The following ARNT2 variants were observed in gnomAD, a reference collection of about 807,000 sequenced individuals.
ARNT2 encodes aryl hydrocarbon receptor nuclear translocator 2, also known as ARNT protein 2.
ARNT2 carries 36 observed loss-of-function variants against 91.7 expected under a neutral mutation model. The ratio of observed to expected loss-of-function variants is 0.39; its 90% CI spans 0.30 to 0.52. The LOEUF (loss-of-function observed/expected upper bound fraction) is 0.52. ARNT2 is among the 20% of genes least tolerant of loss of function. The pLI, the probability that ARNT2 is intolerant of heterozygous loss-of-function variation, is 0.72. For synonymous variants in ARNT2, 365 were observed against 347.1 expected, an observed-to-expected ratio of 1.05 and a Z score of -0.57; for missense variants, 775 against 939.3, an observed-to-expected ratio of 0.83 and a Z score of 2.29.
Position 80,495,712 on chromosome 15 carries a change from C to A in ARNT2, c.623-12444C>A, listed in dbSNP as rs767872994. On this transcript the variant is annotated intron_variant, in intron 5 of 18. Coordinates refer to ENST00000303329, the MANE Select transcript of ARNT2 (RefSeq NM_014862.4). ...GCTCATGCCTTCCTAGGGCTCTGTG[C>A]CCTGGGGTTGGGCCCCAGCCCACCT... Among the ~76,000 whole-genome samples, 4 of 152,210 alleles carry A rather than the reference C, an allele frequency of 2.6e-5. No individual in the cohort carries two copies. The South Asian group carries it at 6.2e-4, about 24-fold the overall frequency.
rs1895571517 is a variant in ARNT2 at position 80,404,670 on chromosome 15, G to GAGCGGCTGTCACTACGCGGCAGCCGC, written c.31+128_31+153dup. On this transcript the variant is annotated intron_variant, in intron 1 of 18. Coordinates refer to ENST00000303329, the MANE Select transcript of ARNT2 (RefSeq NM_014862.4). The surrounding 1 kb of genome is among the most constrained non-coding windows in gnomAD (Gnocchi z 5.5). ...CCGCAGCTCGGCGCGGTGGGTGGTG[G>GAGCGGCTGTCACTACGCGGCAGCCGC]AGCGGCTGTCACTACGCGGCAGCCG... The GAGCGGCTGTCACTACGCGGCAGCCGC allele has an allele frequency of 1.7e-6, 1 of 588,270 alleles. No homozygotes were observed. Among genetic ancestry groups the GAGCGGCTGTCACTACGCGGCAGCCGC allele is most frequent in the African/African-American group, 2.0e-5 (1 of 49,388 alleles). The allele number at this position is 588,270 out of a possible 1,614,324, so 36.4% of individuals were successfully genotyped here. A position where few individuals can be genotyped will look rare whatever the true frequency, so the allele number is the denominator to read the frequency against.
intron 5 of ARNT2, among the ~76,000 whole-genome samples, chr15:80,480,259 T>G (rs1482120777): frequency 2.0e-5 from 3 of 152,038 alleles, no homozygotes; most frequent in Non-Finnish European, 4.4e-5. Flanking sequence ...TTCCAGGTGA[T>G]AGCAGAGCCT....
intron 8 of ARNT2, among the ~76,000 whole-genome samples, chr15:80,547,748 T>C (rs999547859): frequency 1.3e-5 from 2 of 152,216 alleles, no homozygotes; most frequent in Non-Finnish European, 2.9e-5. Context: ...TTGACCAGTA[T>C]CTAGAGATGT....
At chr15:80,526,227 A>G (rs1156715180) in intron 8 of ARNT2, among the ~76,000 whole-genome samples, 1 of 152,208 alleles carries the variant, frequency 6.6e-6, no homozygotes, top group African/African-American at 2.4e-5. Flanking sequence ...GATATGACTG[A>G]AAGAAAAGGA....
intron 3 of ARNT2, among the ~76,000 whole-genome samples, chr15:80,464,824 T>C (rs1227738306): frequency 6.6e-6 from 1 of 152,158 alleles, no homozygotes; most frequent in African/African-American, 2.4e-5. Flanking sequence ...ACAGTCTTCC[T>C]TCCCGAGTGT....
chr15:80,525,439 ATG>A (rs1381904418), intron 8 of ARNT2, among the ~76,000 whole-genome samples: 7 of 152,138 alleles, frequency 4.6e-5, no homozygotes, highest in Non-Finnish European at 7.4e-5. Context: ...AGCAAGAGGC[ATG>A]CTTTGTTCAT....
At chr15:80,424,097 C>T (rs1483282550) in intron 1 of ARNT2, among the ~76,000 whole-genome samples, 1 of 152,136 alleles carries the variant, frequency 6.6e-6, no homozygotes, top group Non-Finnish European at 1.5e-5. Flanking sequence ...GTAGAATAGC[C>T]CTGCATGATA....
intron 1 of ARNT2, among the ~76,000 whole-genome samples, chr15:80,409,945 T>G (rs936533976): frequency 6.6e-6 from 1 of 152,144 alleles, no homozygotes; most frequent in African/African-American, 2.4e-5. Flanking sequence ...AAGCTGGAGC[T>G]GCGGTAGAGG....
intron 5 of ARNT2, among the ~76,000 whole-genome samples, chr15:80,503,648 C>T (rs926065603): frequency 6.6e-6 from 1 of 152,214 alleles, no homozygotes; most frequent in Non-Finnish European, 1.5e-5. Context: ...ACAATTTACA[C>T]TAACATGGCC....
chr15:80,425,361 AT>A (rs1386005798), intron 1 of ARNT2, among the ~76,000 whole-genome samples: 2 of 152,204 alleles, frequency 1.3e-5, no homozygotes, highest in East Asian at 3.8e-4. Flanking sequence ...TTATTTAAAA[AT>A]AATAATGAAA....
chr15:80,415,179 C>A (rs751680430), intron 1 of ARNT2, among the ~76,000 whole-genome samples: 5 of 152,238 alleles, frequency 3.3e-5, no homozygotes, highest in African/African-American at 4.8e-5. Context: ...TCTGTGGTGT[C>A]CCACAGATTC....
Position 80,477,824 on chromosome 15 carries a change from AAC to A in ARNT2, c.622+2604_622+2605del, listed in dbSNP as rs550384418. ...CGGGGAACACAATTCCACCTATAATAACACTTATGATAAGAGTGAGTTTGATG... is the reference window on the plus strand; with the variant it reads ...CGGGGAACACAATTCCACCTATAATAACTTATGATAAGAGTGAGTTTGATG... On this transcript the variant is annotated intron_variant, in intron 5 of 18. Coordinates refer to ENST00000303329, the MANE Select transcript of ARNT2 (RefSeq NM_014862.4). Among the ~76,000 whole-genome samples the A allele has an allele frequency of 8.5e-4, 129 of 152,376 alleles. 2 individuals are homozygous for A. Among genetic ancestry groups the A allele is most frequent in the Admixed American group, 8.3e-3 (127 of 15,312 alleles).
At chr15:80,539,258 A>G (rs930456801) in intron 8 of ARNT2, among the ~76,000 whole-genome samples, 1 of 152,162 alleles carries the variant, frequency 6.6e-6, no homozygotes, top group Non-Finnish European at 1.5e-5. Context: ...GATACTAAAT[A>G]CAATGCTAGC....
chr15:80,534,705 G>A (rs1897792661), intron 8 of ARNT2, among the ~76,000 whole-genome samples: 1 of 152,066 alleles, frequency 6.6e-6, no homozygotes, highest in Non-Finnish European at 1.5e-5. Flanking sequence ...TTCCCCACTG[G>A]GAACATGAAT....
intron 4 of ARNT2, among the ~76,000 whole-genome samples, chr15:80,472,003 C>T (rs1481086578): frequency 2.6e-5 from 4 of 152,096 alleles, no homozygotes; most frequent in Non-Finnish European, 5.9e-5. Context: ...TCAGTGTGCT[C>T]ATCTGTGAAA....
At chr15:80,546,659 T>G (rs866685927) in intron 8 of ARNT2, among the ~76,000 whole-genome samples, 7 of 152,106 alleles carry the variant, frequency 4.6e-5, no homozygotes, top group African/African-American at 1.7e-4. Context: ...GTCTCATAAA[T>G]GTATGGTTAG....
chr15:80,591,668 C>T lies in ARNT2; in HGVS notation c.2019C>T (p.His673=), dbSNP rs767090081. 33 of 1,613,984 alleles carry T rather than the reference C, an allele frequency of 2.0e-5. No individual in the cohort carries two copies. The South Asian group carries it at 2.9e-4, about 14-fold the overall frequency. ...ATGGCCAGCAGAGCGGTGAGCAGCA[C>T]TCCCACCAGCAGCCCGGTCAGACTG... ...QHHGQQSGEQ[H]SHQQPGQTEV... is the part of the protein sequence containing the mutation. The change falls in exon 18 of 19, where the codon CAC becomes CAT. Residue 673 remains histidine (H), a synonymous_variant. Transcript: ENST00000303329. This position sits in a 1 kb window ranked among gnomAD's most constrained non-coding sequence, Gnocchi z 5.1.
intron 4 of ARNT2, among the ~76,000 whole-genome samples, chr15:80,474,772 A>G (rs538970469): frequency 6.6e-6 from 1 of 152,124 alleles, no homozygotes; most frequent in Admixed American, 6.5e-5. Context: ...TCTCTCCCCA[A>G]CAAAGGACTA....
chr15:80,502,786 C>T (rs575197200), intron 5 of ARNT2, among the ~76,000 whole-genome samples: 3 of 152,208 alleles, frequency 2.0e-5, no homozygotes, highest in African/African-American at 4.8e-5. Flanking sequence ...TTCTGGAGGG[C>T]ACCCAGGGGG....
Sources: gnomAD v4.1 joint callset for allele counts (sites outside exome capture counted in the v4.1 genomes callset) on GRCh38, gnomAD v4.1.1 for gene constraint, Gnocchi (gnomAD v3.1) non-coding constraint, MANE v1.5 for transcripts, NCBI Gene and HGNC (gene_info 2026-07-23, HGNC 2026-07-21) for gene names.